The following RTN4 variants were observed in gnomAD, a reference collection of about 807,000 sequenced individuals.
RTN4 encodes reticulon-4.
In RTN4, 32 loss-of-function variants were observed where a neutral mutation model predicts 90.4. The observed-to-expected ratio is 0.35, with a 90% CI of 0.27 to 0.48. The LOEUF (loss-of-function observed/expected upper bound fraction) is 0.48. Among genes scored for constraint, RTN4 ranks in the 20% least tolerant of loss-of-function variants. The pLI, the probability that RTN4 is intolerant of heterozygous loss-of-function variation, is 0.99. For synonymous variants in RTN4, 629 were observed against 552.5 expected (o/e 1.14, Z -1.94); for missense variants, 1,706 against 1,430.2 (o/e 1.19, Z -3.11).
chr2:55,008,125 CAGTT>C (rs1478962044), intron 3 of RTN4, among the ~76,000 whole-genome samples: 3 of 144,374 alleles, frequency 2.1e-5, no homozygotes, highest in Non-Finnish European at 4.5e-5. Context: ...TCTTAAATAC[CAGTT>C]AATCGGCAAG....
At chr2:55,070,357 A>C (rs1408159703) in intron 2 of RTN4, among the ~76,000 whole-genome samples, 1 of 151,864 alleles carries the variant, frequency 6.6e-6, no homozygotes, top group Non-Finnish European at 1.5e-5. Context: ...TCAGGAGTTC[A>C]ACATAGCGAG....
intron 3 of RTN4, among the ~76,000 whole-genome samples, chr2:55,011,623 T>C (rs978579480): frequency 2.4e-4 from 36 of 152,190 alleles, no homozygotes; most frequent in Non-Finnish European, 1.5e-4. Context: ...CTGCTATCTG[T>C]GGGCTGCAAA....
intron 1 of RTN4, among the ~76,000 whole-genome samples, chr2:55,088,978 G>C (rs774707476): frequency 6.6e-6 from 1 of 152,060 alleles, no homozygotes; most frequent in Non-Finnish European, 1.5e-5. Flanking sequence ...TGTTGCCCAG[G>C]CTGGAGTGCA....
intron 2 of RTN4, among the ~76,000 whole-genome samples, chr2:55,077,488 T>C (rs1017090176): frequency 1.3e-5 from 2 of 152,070 alleles, no homozygotes; most frequent in African/African-American, 4.8e-5. Context: ...GTGGATGTGG[T>C]GAAAAGGAAA....
At chr2:55,117,862 T>A in the RTN4 span, among the ~76,000 whole-genome samples, 1 of 152,216 alleles carries the variant, frequency 6.6e-6, no homozygotes, top group Non-Finnish European at 1.5e-5. Context: ...GGCAAGGGTC[T>A]CCTGGGGTGC....
intron 2 of RTN4, among the ~76,000 whole-genome samples, chr2:55,063,013 T>G (rs541075914): frequency 6.6e-6 from 1 of 152,194 alleles, no homozygotes; most frequent in African/African-American, 2.4e-5. Context: ...TTTGGTGGAA[T>G]AGCTAGAGGG....
the RTN4 span, among the ~76,000 whole-genome samples, chr2:55,129,780 C>A: frequency 6.6e-6 from 1 of 152,226 alleles, no homozygotes; most frequent in East Asian, 1.9e-4. Flanking sequence ...CTAGGATGGT[C>A]TTGAGCTCCT....
At position 55,025,314 on chromosome 2, in the gene RTN4, C is replaced by T. The variant is rs1452380863; in HGVS notation, c.2785G>A (p.Glu929Lys). The T allele has an allele frequency of 1.9e-6, 3 of 1,613,778 alleles. No individual in the cohort carries two copies. In the African/African-American group the frequency reaches 4.0e-5, roughly 22 times the overall value. ...LSLKNIQPKV[E>K]EKISFSDDFS... Reference sequence around the variant, plus strand: ...TCATCTGAGAAACTGATTTTCTCTTCAACTTTGGGTTGTATGTTCTTCAAA... The same window carrying T: ...TCATCTGAGAAACTGATTTTCTCTTTAACTTTGGGTTGTATGTTCTTCAAA... The change falls in exon 3 of 9, where the codon GAA becomes AAA. Residue 929 changes from glutamate (E) to lysine (K), a missense_variant. By Grantham distance (56) the Glu-to-Lys change is moderately conservative. Coordinates refer to ENST00000337526, the MANE Select transcript of RTN4 (RefSeq NM_020532.5).
chr2:55,051,234 C>A (rs1250999109), upstream of RTN4, among the ~76,000 whole-genome samples: 1 of 152,102 alleles, frequency 6.6e-6, no homozygotes, highest in African/African-American at 2.4e-5. Context: ...GAGTTTGGGG[C>A]CTTGCCTGCT....
At chr2:55,023,320 A>G (rs1405526261) in intron 3 of RTN4, among the ~76,000 whole-genome samples, 2 of 152,164 alleles carry the variant, frequency 1.3e-5, no homozygotes, top group Non-Finnish European at 2.9e-5. Flanking sequence ...TTAGGCTCCT[A>G]ATACAATGCC....
At chr2:54,975,745 G>C (rs1358055353) in intron 5 of RTN4, among the ~76,000 whole-genome samples, 1 of 152,108 alleles carries the variant, frequency 6.6e-6, no homozygotes, top group Non-Finnish European at 1.5e-5. Flanking sequence ...CATTAATTAA[G>C]CAGTCAAACA....
intron 5 of RTN4, 27 bp downstream of exon 5, chr2:54,982,488 C>T: frequency 6.3e-7 from 1 of 1,598,528 alleles, no homozygotes; most frequent in South Asian, 1.1e-5. Context: ...CTGGGTATAT[C>T]AAAAATGAAA....
At chr2:55,071,412 T>A (rs1289230325) in intron 2 of RTN4, among the ~76,000 whole-genome samples, 1 of 152,020 alleles carries the variant, frequency 6.6e-6, no homozygotes, top group Non-Finnish European at 1.5e-5. Context: ...TAACCAGACA[T>A]AACTAAGTCA....
intron 1 of RTN4, among the ~76,000 whole-genome samples, chr2:55,044,067 G>A (rs1421422651): frequency 4.0e-5 from 6 of 150,702 alleles, no homozygotes; most frequent in Admixed American, 3.3e-4. Context: ...GTGGTGGTAC[G>A]TGCCTGTGGT....
At chr2:55,128,460 C>T in the RTN4 span, among the ~76,000 whole-genome samples, 2 of 152,136 alleles carry the variant, frequency 1.3e-5, no homozygotes, top group Non-Finnish European at 2.9e-5. Flanking sequence ...TCTAGACCCC[C>T]AGAGCAAACT....
At chr2:55,088,544 T>C (rs891421029) in intron 1 of RTN4, among the ~76,000 whole-genome samples, 4 of 152,252 alleles carry the variant, frequency 2.6e-5, no homozygotes, top group Non-Finnish European at 5.9e-5. Flanking sequence ...CTGGACAACA[T>C]ACAGATGTAT....
upstream of RTN4, among the ~76,000 whole-genome samples, chr2:55,115,364 T>G (rs1205204047): frequency 6.6e-6 from 1 of 152,162 alleles, no homozygotes; most frequent in African/African-American, 2.4e-5. Flanking sequence ...GCTGGTTGAG[T>G]CTTTCTCACA....
chr2:55,001,031 TAAA>T (rs974355020), intron 3 of RTN4, among the ~76,000 whole-genome samples: 1 of 152,010 alleles, frequency 6.6e-6, no homozygotes. Context: ...TAAAAATAGA[TAAA>T]AAAGACATTG....
At position 55,028,162 on chromosome 2, in the gene RTN4, G is replaced by A. The variant is rs1682043014; in HGVS notation, c.613+2C>T. On this transcript the variant is annotated splice_donor_variant, in intron 2 of 8. Coordinates refer to ENST00000337526, the MANE Select transcript of RTN4 (RefSeq NM_020532.5). LOFTEE classifies it low-confidence loss of function (GC_TO_GT_DONOR). The stretch of plus-strand genomic sequence containing the variant: ...GATAAAAGGCTGGCAGAAAGAACTT[G>A]CCTGCAGAGGAGCGTATCACAGGCT... The A allele has an allele frequency of 1.9e-6, 3 of 1,611,598 alleles. No homozygotes were observed. Among genetic ancestry groups the A allele is most frequent in the Non-Finnish European group, 2.5e-6 (3 of 1,178,734 alleles).
Sources: allele counts gnomAD v4.1 joint callset (sites outside exome capture counted in the v4.1 genomes callset), GRCh38; gene constraint gnomAD v4.1.1; transcripts MANE v1.5; gene names NCBI Gene and HGNC (gene_info 2026-07-23, HGNC 2026-07-21).